The following NYAP2 variants were observed in gnomAD, a reference collection of about 807,000 sequenced individuals.
NYAP2 encodes the protein neuronal tyrosine-phosphorylated phosphoinositide-3-kinase adaptor 2, also known as neuronal tyrosine-phosphorylated phosphoinositide-3-kinase adapter 2.
In NYAP2, 23 loss-of-function variants were observed where a neutral mutation model predicts 50.4. The ratio of observed to expected loss-of-function variants is 0.46; its 90% CI spans 0.33 to 0.65. The LOEUF (loss-of-function observed/expected upper bound fraction) is 0.65, where lower values mean the gene tolerates loss of function less well. NYAP2 is among the 30% of genes least tolerant of loss of function. The pLI is 0.02. For synonymous variants in NYAP2, 394 were observed against 365.2 expected (o/e 1.08, Z -0.90); for missense variants, 885 against 861.0 (o/e 1.03, Z -0.35).
chr2:225,669,426 A>G, the NYAP2 span, among the ~76,000 whole-genome samples: 1 of 152,186 alleles, frequency 6.6e-6, no homozygotes, highest in Non-Finnish European at 1.5e-5. Context: ...AAAAATGGGC[A>G]AAGCTAATCT....
At chr2:225,563,484 G>A (rs1348213774) in intron 4 of NYAP2, among the ~76,000 whole-genome samples, 1 of 152,124 alleles carries the variant, frequency 6.6e-6, no homozygotes, top group Non-Finnish European at 1.5e-5. Flanking sequence ...GATGTGGCTG[G>A]AGAAAGAGAG....
intron 3 of NYAP2, among the ~76,000 whole-genome samples, chr2:225,473,161 G>A (rs1690040312): frequency 1.3e-5 from 2 of 152,162 alleles, no homozygotes; most frequent in African/African-American, 4.8e-5. Flanking sequence ...TGGCTGCATA[G>A]TATTCCATGG....
chr2:225,577,572 T>C (rs1280577850), intron 4 of NYAP2, among the ~76,000 whole-genome samples: 4 of 152,166 alleles, frequency 2.6e-5, no homozygotes, highest in Non-Finnish European at 1.5e-5. Flanking sequence ...ACAGCACCCA[T>C]GATAGTGGCA....
intron 4 of NYAP2, among the ~76,000 whole-genome samples, chr2:225,526,634 A>G (rs1431031619): frequency 6.6e-6 from 1 of 152,162 alleles, no homozygotes; most frequent in Non-Finnish European, 1.5e-5. Flanking sequence ...GCTTGTCTAC[A>G]TGGCTGCAAC....
At chr2:225,489,646 C>A (rs772283375) in intron 3 of NYAP2, among the ~76,000 whole-genome samples, 2 of 152,126 alleles carry the variant, frequency 1.3e-5, no homozygotes, top group Non-Finnish European at 2.9e-5. Context: ...TTCTGAAATA[C>A]CCAACTTTCT....
In NYAP2 at chr2:225,492,038, C is replaced by T. The variant is rs143353552; in HGVS notation, c.222-21333C>T. Among the ~76,000 whole-genome samples the T allele has an allele frequency of 2.5e-4, 38 of 152,236 alleles. No individual in the cohort carries two copies. The East Asian group carries it at 4.3e-3, about 17-fold the overall frequency. On this transcript the variant is annotated intron_variant, in intron 3 of 6. Coordinates refer to ENST00000636099, the Ensembl canonical transcript of NYAP2. ...GGCTGAGTCCAGGGCCTGGGTAGGACAGGTCAAGTGCAGAGACCTGAACTT... is the reference window on the plus strand; with the variant it reads ...GGCTGAGTCCAGGGCCTGGGTAGGATAGGTCAAGTGCAGAGACCTGAACTT...
chr2:225,524,149 G>C (rs1043698137), intron 4 of NYAP2, among the ~76,000 whole-genome samples: 16 of 152,144 alleles, frequency 1.1e-4, no homozygotes, highest in Admixed American at 8.5e-4. Flanking sequence ...ACAAGCTGAG[G>C]TTCAAGGAAG....
At chr2:225,667,302 T>C in the NYAP2 span, among the ~76,000 whole-genome samples, 1 of 152,050 alleles carries the variant, frequency 6.6e-6, no homozygotes, top group Non-Finnish European at 1.5e-5. Flanking sequence ...AATATAAATA[T>C]CATATATATT....
At chr2:225,640,215 T>C (rs1440711285) in intron 6 of NYAP2, among the ~76,000 whole-genome samples, 1 of 152,218 alleles carries the variant, frequency 6.6e-6, no homozygotes, top group Non-Finnish European at 1.5e-5. Flanking sequence ...AGAACTGTTA[T>C]CTTCGCTCTC....
intron 3 of NYAP2, among the ~76,000 whole-genome samples, chr2:225,430,308 A>C (rs1053476679): frequency 1.3e-5 from 2 of 152,224 alleles, no homozygotes; most frequent in Non-Finnish European, 2.9e-5. Context: ...AAGCCTTTCC[A>C]AATATAGAAT....
chr2:225,496,418 A>AT (rs1173653297), intron 3 of NYAP2, among the ~76,000 whole-genome samples: 1 of 152,180 alleles, frequency 6.6e-6, no homozygotes, highest in Non-Finnish European at 1.5e-5. Flanking sequence ...TACAACTTAC[A>AT]TTTTTTATCC....
At chr2:225,627,593 G>A (rs972460275) in intron 6 of NYAP2, among the ~76,000 whole-genome samples, 1 of 152,284 alleles carries the variant, frequency 6.6e-6, no homozygotes, top group Admixed American at 6.5e-5. Context: ...ATATTAGGAG[G>A]CATCTGAAAT....
chr2:225,647,876 T>G (rs1456374438), intron 6 of NYAP2, among the ~76,000 whole-genome samples: 1 of 152,020 alleles, frequency 6.6e-6, no homozygotes, highest in Non-Finnish European at 1.5e-5. Flanking sequence ...TTGATTAAAG[T>G]CCATGCTTGG....
At chr2:225,635,420 T>A (rs1693396488) in intron 6 of NYAP2, among the ~76,000 whole-genome samples, 2 of 152,318 alleles carry the variant, frequency 1.3e-5, no homozygotes, top group South Asian at 4.1e-4. Context: ...TAGGTTATGA[T>A]GAAGATTAAA....
intron 6 of NYAP2, among the ~76,000 whole-genome samples, chr2:225,633,794 T>C (rs190980991): frequency 1.3e-4 from 20 of 152,358 alleles, no homozygotes; most frequent in Admixed American, 1.2e-3. Flanking sequence ...TGCTATTATG[T>C]GAAATCTCCC....
rs1047201029 is a variant in NYAP2, at chr2:225,472,545, G to A, written c.222-40826G>A. The stretch of plus-strand genomic sequence containing the variant: ...AGACATGGGCCTATTTTCAATCAGG[G>A]TACAATATTTATGCTCTTAATTATG... On this transcript the variant is annotated intron_variant, in intron 3 of 6. Coordinates refer to ENST00000636099, the Ensembl canonical transcript of NYAP2. Among the ~76,000 whole-genome samples, 3 of 152,036 alleles carry A rather than the reference G, an allele frequency of 2.0e-5. No individual in the cohort carries two copies. In the South Asian group the frequency reaches 6.2e-4, roughly 32 times the overall value.
chr2:225,671,171 T>C, the NYAP2 span, among the ~76,000 whole-genome samples: 2 of 151,030 alleles, frequency 1.3e-5, no homozygotes, highest in African/African-American at 4.9e-5. Flanking sequence ...TGCAATGCTG[T>C]TTTTTTTTCT....
At chr2:225,518,252 T>C (rs2106188818) in intron 4 of NYAP2, among the ~76,000 whole-genome samples, 1 of 151,856 alleles carries the variant, frequency 6.6e-6, no homozygotes, top group Non-Finnish European at 1.5e-5. Context: ...TGAAATTAGC[T>C]AAGCACAGAA....
intron 6 of NYAP2, among the ~76,000 whole-genome samples, chr2:225,632,267 ACTT>A (rs1214264478): frequency 6.6e-6 from 1 of 152,130 alleles, no homozygotes; most frequent in Non-Finnish European, 1.5e-5. Flanking sequence ...TTCTCTTTAT[ACTT>A]CCTCATCATT....
Sources: allele counts gnomAD v4.1 joint callset (sites outside exome capture counted in the v4.1 genomes callset), GRCh38; gene constraint gnomAD v4.1.1; transcripts MANE v1.5; gene names NCBI Gene and HGNC (gene_info 2026-07-23, HGNC 2026-07-21).